Variants in C17orf50 observed in about 807,000 individuals in gnomAD.
C17orf50 encodes plakoglobin binding and degradation factor, also known as uncharacterized protein C17orf50.
In C17orf50, 16 loss-of-function variants were observed where a neutral mutation model predicts 17.7. The ratio of observed to expected loss-of-function variants is 0.90; its 90% CI spans 0.61 to 1.37. The LOEUF (loss-of-function observed/expected upper bound fraction) is 1.37. C17orf50 is among the 40% of genes most tolerant of loss of function. C17orf50 has a pLI of 0.00. For synonymous variants in C17orf50, 125 were observed against 111.0 expected, an observed-to-expected ratio of 1.13 and a Z score of -0.80; for missense variants, 271 against 240.7, an observed-to-expected ratio of 1.13 and a Z score of -0.83.
chr17:35,762,848 A>G (rs148778797), intron 1 of C17orf50, among the ~76,000 whole-genome samples: 2,768 of 152,144 alleles, frequency 0.018, 27 homozygotes, highest in Non-Finnish European at 0.029. Flanking sequence ...ATCAGTGGCC[A>G]GGCGCGGTGG....
At position 35,764,217 on chromosome 17, in the gene C17orf50, A is replaced by G. The variant is rs1191980684; in HGVS notation, c.224A>G (p.Gln75Arg). 6.5e-7 allele frequency: 1 copy of G among 1,547,116 alleles called. No individual in the cohort carries two copies. The highest frequency in any genetic ancestry group is 2.4e-5 in the East Asian group (1 of 40,888). Residue 75 changes from glutamine to arginine, a missense_variant, in exon 2 of 3, where the codon CAG becomes CGG. Gln to Arg is a conservative substitution (Grantham distance 43, BLOSUM62 1). Transcript: ENST00000605587. ...TCAGTGTCCTACTGCCCGCTGCGCC[A>G]GGAGTCCAGCACCCAGCAGGTGGCG... ...RRSVSYCPLR[Q>R]ESSTQQVALL...
At chr17:35,763,074 A>G (rs2085855185) in intron 1 of C17orf50, among the ~76,000 whole-genome samples, 1 of 150,304 alleles carries the variant, frequency 6.7e-6, no homozygotes, top group Non-Finnish European at 1.5e-5. Flanking sequence ...GTGAGCCGAG[A>G]TGGCACCACT....
intron 1 of C17orf50, among the ~76,000 whole-genome samples, chr17:35,761,582 G>A (rs1242717406): frequency 6.6e-6 from 1 of 151,940 alleles, no homozygotes; most frequent in African/African-American, 2.4e-5. Context: ...TCTGGCTCCA[G>A]AATAGTCTTA....
chr17:35,761,553 A>C (rs587771775), intron 1 of C17orf50, among the ~76,000 whole-genome samples: 1 of 152,084 alleles, frequency 6.6e-6, no homozygotes, highest in Admixed American at 6.5e-5. Context: ...TGCTGGGATT[A>C]CAGGTGTGAG....
intron 1 of C17orf50, among the ~76,000 whole-genome samples, chr17:35,762,024 C>G (rs1598405872): frequency 6.6e-6 from 1 of 151,830 alleles, no homozygotes; most frequent in Non-Finnish European, 1.5e-5. Context: ...GAGTTTTGCT[C>G]TTGTTGCTCA....
Position 35,764,050 on chromosome 17 carries a change from G to A in C17orf50, c.57G>A (p.Arg19=), listed in dbSNP as rs372759641. The A allele has an allele frequency of 8.4e-5, 130 of 1,549,670 alleles. 1 individual carries two copies. In the African/African-American group the frequency reaches 1.4e-3, roughly 17 times the overall value. ...PLWKKETEEL[R]AEDAEQEEGK... is the part of the protein sequence containing the mutation. ...GGAAGAAGGAAACGGAAGAGCTCCG[G>A]GCCGAGGACGCGGAGCAAGAGGAAG... The change falls in exon 2 of 3, where the codon CGG becomes CGA. Residue 19 remains arginine (R), a synonymous_variant. Transcript: ENST00000605587.
chr17:35,764,107 C>T lies in C17orf50; in HGVS notation c.114C>T (p.Asp38=). The change falls in exon 2 of 3, where the codon GAC becomes GAT. Residue 38 remains aspartate, a synonymous_variant. Coordinates refer to ENST00000605587, the MANE Select transcript of C17orf50 (RefSeq NM_145272.4). ...AGGGGTCGGAGGACGAGGACGAGGA[C>T]AACCAGAGGCCGCTGGAGGACAGCG... is the stretch of plus-strand genomic sequence containing the variant. The part of the protein sequence containing the change: ...GKEGSEDEDE[D]NQRPLEDSAT... 6.5e-7 allele frequency: 1 copy of T among 1,550,180 alleles called. No individual in the cohort carries two copies. The highest frequency in any genetic ancestry group is 1.2e-5 in the South Asian group (1 of 84,014).
chr17:35,764,624 C>T lies in C17orf50; in HGVS notation c.*6C>T. 6.4e-7 allele frequency: 1 copy of T among 1,573,280 alleles called. No individual in the cohort carries two copies. Among genetic ancestry groups the T allele is most frequent in the South Asian group, 1.2e-5 (1 of 85,820 alleles). On this transcript the variant is annotated 3_prime_UTR_variant, in exon 3 of 3. Coordinates refer to ENST00000605587, the MANE Select transcript of C17orf50 (RefSeq NM_145272.4). ...GGGCCGCTGGGAACTCCTGAGCGCC[C>T]CCGCTCCCAGCCTTTGTGCCCTCCA...
chr17:35,764,024 T>C lies in C17orf50; in HGVS notation c.31T>C (p.Trp11Arg), dbSNP rs1331423762. 1 of 1,545,176 alleles carries C rather than the reference T, an allele frequency of 6.5e-7. No individual in the cohort carries two copies. The highest frequency in any genetic ancestry group is 8.7e-7 in the Non-Finnish European group (1 of 1,143,584). MDKHGVKTPL[W>R]KKETEELRAE... ...GCCCGCAGGTGTGAAGACCCCCTTG[T>C]GGAAGAAGGAAACGGAAGAGCTCCG... The change falls in exon 2 of 3, where the codon TGG becomes CGG. Residue 11 changes from tryptophan to arginine, a missense_variant. By Grantham distance (101) the Trp-to-Arg change is moderately radical. Transcript: ENST00000605587.
In C17orf50 at chr17:35,764,255, G is replaced by A; in HGVS notation, c.262G>A (p.Ala88Thr). 6.5e-7 allele frequency: 1 copy of A among 1,539,710 alleles called. No homozygotes were observed. Among genetic ancestry groups the A allele is most frequent in the Non-Finnish European group, 8.7e-7 (1 of 1,143,104 alleles). Residue 88 changes from alanine (A) to threonine (T), a missense_variant, in exon 2 of 3, where the codon GCG becomes ACG. By Grantham distance (58) the Ala-to-Thr change is moderately conservative (BLOSUM62 0). Coordinates refer to ENST00000605587, the MANE Select transcript of C17orf50 (RefSeq NM_145272.4). ...CCAGCAGGTGGCGCTGCTGCGGCGC[G>A]CGGACAGCGGCTTCTGGGGCTGGCT... ...STQQVALLRR[A>T]DSGFWGWLGP...
Position 35,764,656 on chromosome 17 carries a change from C to T in C17orf50, c.*38C>T, listed in dbSNP as rs1555602463. The stretch of plus-strand genomic sequence containing the variant: ...CCAGCCTTTGTGCCCTCCATCATTT[C>T]CTGGCCCCAGACCCCCTACCGACCT... On this transcript the variant is annotated 3_prime_UTR_variant, in exon 3 of 3. Coordinates refer to ENST00000605587, the MANE Select transcript of C17orf50 (RefSeq NM_145272.4). 6.5e-7 allele frequency: 1 copy of T among 1,532,756 alleles called. No homozygotes were observed. Among genetic ancestry groups the T allele is most frequent in the East Asian group, 2.5e-5 (1 of 39,564 alleles). 94.9% of individuals were successfully genotyped at this position (1,532,756 alleles called of 1,614,324 possible). A position where few individuals can be genotyped will look rare whatever the true frequency, so the allele number is the denominator to read the frequency against.
intron 1 of C17orf50, 116 bp downstream of exon 1, chr17:35,761,070 C>T: frequency 9.0e-7 from 1 of 1,111,878 alleles, no homozygotes; most frequent in South Asian, 1.7e-5. Context: ...ATCCATGTAG[C>T]TGCAAGCCCT....
At position 35,764,250 on chromosome 17, in the gene C17orf50, G is replaced by A. The variant is rs909377912; in HGVS notation, c.257G>A (p.Arg86Gln). 2.4e-5 allele frequency: 37 copies of A among 1,540,492 alleles called. No homozygotes were observed. The highest frequency in any genetic ancestry group is 3.2e-5 in the Non-Finnish European group (37 of 1,143,512). ...AGCACCCAGCAGGTGGCGCTGCTGC[G>A]GCGCGCGGACAGCGGCTTCTGGGGC... ...ESSTQQVALL[R>Q]RADSGFWGWL... Residue 86 changes from arginine (R) to glutamine (Q), a missense_variant, in exon 2 of 3, where the codon CGG becomes CAG. By Grantham distance (43) the Arg-to-Gln change is conservative (BLOSUM62 1). Coordinates refer to ENST00000605587, the MANE Select transcript of C17orf50 (RefSeq NM_145272.4).
chr17:35,762,287 G>A (rs587694808), intron 1 of C17orf50, among the ~76,000 whole-genome samples: 230 of 152,278 alleles, frequency 1.5e-3, no homozygotes, highest in African/African-American at 5.0e-3. Context: ...ACCGTGCCCC[G>A]CCTAGAAATG....
intron 1 of C17orf50, among the ~76,000 whole-genome samples, chr17:35,761,727 G>A (rs2085824540): frequency 6.6e-6 from 1 of 152,178 alleles, no homozygotes; most frequent in African/African-American, 2.4e-5. Context: ...CTTGGAACAC[G>A]TCCCTCTACA....
At chr17:35,763,505 C>T (rs887784187) in intron 1 of C17orf50, among the ~76,000 whole-genome samples, 2 of 146,634 alleles carry the variant, frequency 1.4e-5, no homozygotes, top group African/African-American at 5.1e-5. Flanking sequence ...ACACTGGTCT[C>T]GAACTCTTGA....
chr17:35,764,656 C>A lies in C17orf50; in HGVS notation c.*38C>A. ...CCAGCCTTTGTGCCCTCCATCATTT[C>A]CTGGCCCCAGACCCCCTACCGACCT... On this transcript the variant is annotated 3_prime_UTR_variant, in exon 3 of 3. Transcript: ENST00000605587. 1.3e-6 allele frequency: 2 copies of A among 1,532,874 alleles called. No individual in the cohort carries two copies. The highest frequency in any genetic ancestry group is 2.5e-5 in the South Asian group (2 of 80,196). 95.0% of individuals were successfully genotyped at this position (1,532,874 alleles called of 1,614,324 possible).
At position 35,764,021 on chromosome 17, in the gene C17orf50, T is replaced by A. The variant is rs200805689; in HGVS notation, c.28T>A (p.Leu10Met). 4.4e-3 allele frequency: 6,760 copies of A among 1,544,974 alleles called. 15 individuals carry two copies. The highest frequency in any genetic ancestry group is 4.5e-3 in the Non-Finnish European group (5,197 of 1,143,364). MDKHGVKTP[L>M]WKKETEELRA... Reference sequence around the variant, plus strand: ...CCGGCCCGCAGGTGTGAAGACCCCCTTGTGGAAGAAGGAAACGGAAGAGCT... The same window carrying A: ...CCGGCCCGCAGGTGTGAAGACCCCCATGTGGAAGAAGGAAACGGAAGAGCT... Residue 10 changes from leucine (L) to methionine (M), a missense_variant, in exon 2 of 3, where the codon TTG becomes ATG. By Grantham distance (15) the Leu-to-Met change is conservative (BLOSUM62 2). Transcript: ENST00000605587.
chr17:35,763,787 C>T (rs2143105580), intron 1 of C17orf50, among the ~76,000 whole-genome samples: 1 of 151,990 alleles, frequency 6.6e-6, no homozygotes, highest in East Asian at 1.9e-4. Context: ...GTCCCAGCTA[C>T]TTGGGAGGCT....
Sources: gnomAD v4.1 joint callset for allele counts (sites outside exome capture counted in the v4.1 genomes callset) on GRCh38, gnomAD v4.1.1 for gene constraint, MANE v1.5 for transcripts, NCBI Gene and HGNC (gene_info 2026-07-23, HGNC 2026-07-21) for gene names.